The following USP24 variants were observed in gnomAD, a reference collection of about 807,000 sequenced individuals.
The protein encoded by USP24 is ubiquitin specific peptidase 24.
Under a neutral mutation model 361.6 loss-of-function variants are expected in USP24, and 97 were observed. That is an observed-to-expected ratio of 0.27 (90% CI 0.23 to 0.32). The LOEUF (loss-of-function observed/expected upper bound fraction) is 0.32, where lower values mean the gene tolerates loss of function less well. Among genes scored for constraint, USP24 ranks in the 10% least tolerant of loss-of-function variants. USP24 has a pLI of 1.00. For synonymous variants in USP24, 1,098 were observed against 1,124.6 expected, an observed-to-expected ratio of 0.98 and a Z score of 0.47; for missense variants, 2,353 against 3,165.6, an observed-to-expected ratio of 0.74 and a Z score of 6.16.
Position 55,177,948 on chromosome 1 carries a change from CT to C in USP24, c.490+18del. ...TATGAAACAAATGTCCTCATGTGTT[CT>C]AAGGTCTGAAAACTTACCAAGTCTT... On this transcript the variant is annotated intron_variant, in intron 2 of 67. Coordinates refer to ENST00000294383, the MANE Select transcript of USP24 (RefSeq NM_015306.3). 1 of 1,549,028 alleles carries C rather than the reference CT, an allele frequency of 6.5e-7. No homozygotes were observed. The highest frequency in any genetic ancestry group is 8.7e-7 in the Non-Finnish European group (1 of 1,146,012).
At chr1:55,081,177 A>G in intron 59 of USP24, 145 bp downstream of exon 59, 4 of 738,080 alleles carry the variant, frequency 5.4e-6, no homozygotes, top group Non-Finnish European at 8.8e-6. Flanking sequence ...AAAGTTTAAC[A>G]TGAATTAAAA....
rs748052566 is a variant in USP24, at chr1:55,101,659, C to A, written c.5070G>T (p.Gly1690=). ...AACAAGTTGCACCACCATTTCTCAGCCCCACAAACCCTGAACTGGACCTGC... is the reference window on the plus strand; with the variant it reads ...AACAAGTTGCACCACCATTTCTCAGACCCACAAACCCTGAACTGGACCTGC... ...VDSRSSSGFV[G]LRNGGATCYM... is the part of the protein sequence containing the mutation. The change falls in exon 43 of 68, where the codon GGG becomes GGT. Residue 1690 remains glycine, a synonymous_variant. Transcript: ENST00000294383. 1 of 1,613,112 alleles carries A rather than the reference C, an allele frequency of 6.2e-7. No individual in the cohort carries two copies. The highest frequency in any genetic ancestry group is 1.1e-5 in the South Asian group (1 of 90,734).
chr1:55,137,594 G>C lies in USP24; in HGVS notation c.3122C>G (p.Ser1041Cys). The change falls in exon 28 of 68, where the codon TCT becomes TGT. Residue 1041 changes from serine to cysteine, a missense_variant. By Grantham distance (112) the Ser-to-Cys change is moderately radical. Transcript: ENST00000294383. ...TVKTSGSGTPSGSSADSSTSS... is the reference protein window; with the variant it reads ...TVKTSGSGTPCGSSADSSTSS... Reference sequence around the variant, plus strand: ...GGTTGAAGAATCTGCTGAACTCCCAGATGGGGTCCCACTGCCAGAAGTCTT... The same window carrying C: ...GGTTGAAGAATCTGCTGAACTCCCACATGGGGTCCCACTGCCAGAAGTCTT... The C allele has an allele frequency of 6.2e-7, 1 of 1,613,342 alleles. No homozygotes were observed. Among genetic ancestry groups the C allele is most frequent in the Non-Finnish European group, 8.5e-7 (1 of 1,179,612 alleles).
Position 55,129,544 on chromosome 1 carries a change from C to G in USP24, c.3568G>C (p.Asp1190His). The G allele has an allele frequency of 6.2e-7, 1 of 1,613,860 alleles. No homozygotes were observed. The highest frequency in any genetic ancestry group is 8.5e-7 in the Non-Finnish European group (1 of 1,179,800). Residue 1190 changes from aspartate to histidine, a missense_variant, in exon 32 of 68, where the codon GAT (aspartate) becomes CAT (histidine). Around this residue, in one of 8 missense-constraint regions of USP24, gnomAD observed 949 missense variants for 1,280.5 expected, o/e 0.74. Coordinates refer to ENST00000294383, the MANE Select transcript of USP24 (RefSeq NM_015306.3). Reference sequence around the variant, plus strand: ...GCACAGCTTCTGGCCATGTCATCATCAGCTGTTGGCATGAGTTTGGAGCTT... The same window carrying G: ...GCACAGCTTCTGGCCATGTCATCATGAGCTGTTGGCATGAGTTTGGAGCTT... ...VLSSKLMPTA[D>H]DDMARSCAKS...
At chr1:55,072,922 T>A in intron 64 of USP24, 61 bp from the exon 65 acceptor site, 1 of 1,460,368 alleles carries the variant, frequency 6.8e-7, no homozygotes, top group South Asian at 1.3e-5. Flanking sequence ...TAGTGCTTCA[T>A]TTTGAAACGT....
intron 2 of USP24, among the ~76,000 whole-genome samples, chr1:55,177,445 C>A (rs1389752644): frequency 2.0e-5 from 3 of 152,018 alleles, no homozygotes; most frequent in Non-Finnish European, 1.5e-5. Context: ...AGAAGCCAGT[C>A]AGAAATACAC....
Position 55,068,006 on chromosome 1 carries a change from A to G in USP24, c.*1039T>C, listed in dbSNP as rs1001109799. 3.3e-5 allele frequency: 5 copies of G among 152,236 alleles called. No individual in the cohort carries two copies. Among genetic ancestry groups the G allele is most frequent in the African/African-American group, 1.2e-4 (5 of 41,446 alleles). 9.4% of individuals were successfully genotyped at this position (152,236 alleles called of 1,614,324 possible). On this transcript the variant is annotated 3_prime_UTR_variant, in exon 68 of 68. Coordinates refer to ENST00000294383, the MANE Select transcript of USP24 (RefSeq NM_015306.3). ...CATGTTGAGGAGAAACAAATTCTCA[A>G]ATTCCTTCTCTGCATTACAATAACT...
intron 1 of USP24, among the ~76,000 whole-genome samples, chr1:55,179,033 C>A (rs1286847377): frequency 6.6e-6 from 1 of 152,194 alleles, no homozygotes; most frequent in Non-Finnish European, 1.5e-5. Flanking sequence ...CATCTCCACA[C>A]CACTGACTCA....
chr1:55,106,005 T>C (rs1181849081), intron 41 of USP24, 141 bp downstream of exon 41: 8 of 726,134 alleles, frequency 1.1e-5, no homozygotes, highest in Admixed American at 2.5e-5. Flanking sequence ...CCGCTTCATG[T>C]GCATTTCTTC....
At chr1:55,125,244 C>T (rs1646393542) in intron 34 of USP24, 76 bp downstream of exon 34, 5 of 1,386,668 alleles carry the variant, frequency 3.6e-6, no homozygotes, top group Non-Finnish European at 5.1e-6. Flanking sequence ...ATTTTTATAT[C>T]CCCATAGCAC....
chr1:55,094,219 T>C (rs1645442975), intron 51 of USP24, 132 bp from the exon 52 acceptor site: 1 of 847,870 alleles, frequency 1.2e-6, no homozygotes, highest in South Asian at 2.2e-5. Context: ...AACATAAAAC[T>C]GTACCACATA....
At chr1:55,182,167 T>C (rs1199736136) in intron 1 of USP24, among the ~76,000 whole-genome samples, 1 of 152,364 alleles carries the variant, frequency 6.6e-6, no homozygotes, top group African/African-American at 2.4e-5. Flanking sequence ...TTCTCCTGCC[T>C]CAGCCTCCCA....
At chr1:55,103,410 A>G (rs1439010186) in intron 42 of USP24, among the ~76,000 whole-genome samples, 2 of 152,096 alleles carry the variant, frequency 1.3e-5, no homozygotes, top group South Asian at 2.1e-4. Context: ...TTCACTATAC[A>G]CTGACCTTCT....
chr1:55,107,510 A>G lies in USP24; in HGVS notation c.4571-80T>C, dbSNP rs1645808934. ...GTCAAAGTCCTGAATTAAAGTAAGC[A>G]AAGTCAAGCCCCAATCTTTCACTTT... is the stretch of plus-strand genomic sequence containing the variant. On this transcript the variant is annotated intron_variant, in intron 39 of 67. Coordinates refer to ENST00000294383, the MANE Select transcript of USP24 (RefSeq NM_015306.3). 2.1e-6 allele frequency: 3 copies of G among 1,406,242 alleles called. No individual in the cohort carries two copies. The South Asian group carries it at 4.5e-5, about 21-fold the overall frequency. 87.1% of individuals were successfully genotyped at this position (1,406,242 alleles called of 1,614,324 possible). A position where few individuals can be genotyped will look rare whatever the true frequency, so the allele number is the denominator to read the frequency against.
intron 32 of USP24, among the ~76,000 whole-genome samples, chr1:55,127,897 C>T (rs183079844): frequency 3.4e-4 from 52 of 152,176 alleles, no homozygotes; most frequent in East Asian, 1.7e-3. Flanking sequence ...TATGCCCTGA[C>T]GCTACCTTCC....
intron 1 of USP24, among the ~76,000 whole-genome samples, chr1:55,202,542 C>CT (rs1644603704): frequency 6.6e-6 from 1 of 151,968 alleles, no homozygotes; most frequent in South Asian, 2.1e-4. Flanking sequence ...ATAGCTGGGA[C>CT]TACAGGCACC....
intron 1 of USP24, among the ~76,000 whole-genome samples, chr1:55,209,893 C>T (rs1363158335): frequency 6.6e-6 from 1 of 152,022 alleles, no homozygotes; most frequent in African/African-American, 2.4e-5. Flanking sequence ...ACACTCAGAT[C>T]AAGTAAATGG....
chr1:55,090,299 A>G (rs1645346428), intron 54 of USP24, among the ~76,000 whole-genome samples: 3 of 152,200 alleles, frequency 2.0e-5, no homozygotes, highest in Admixed American at 2.0e-4. Flanking sequence ...ATGGCCATAT[A>G]AACAAAATGG....
At chr1:55,112,647 A>C (rs1483891951) in intron 38 of USP24, among the ~76,000 whole-genome samples, 1 of 151,792 alleles carries the variant, frequency 6.6e-6, no homozygotes, top group Non-Finnish European at 1.5e-5. Context: ...GATTGTTATG[A>C]CTTCCATTCT....
Sources: gnomAD v4.1 joint callset for allele counts (sites outside exome capture counted in the v4.1 genomes callset) on GRCh38, gnomAD v4.1.1 for gene constraint, gnomAD v4.1.1 regional missense constraint, MANE v1.5 for transcripts, NCBI Gene and HGNC (gene_info 2026-07-23, HGNC 2026-07-21) for gene names.